SMU1: variants seen among roughly 807,000 people sequenced by gnomAD.
SMU1 encodes WD40 repeat-containing protein SMU1.
A neutral mutation model predicts 62.0 loss-of-function variants in SMU1; 2 were observed. That is an observed-to-expected ratio of 0.03 (90% CI 0.01 to 0.10). SMU1 has a LOEUF of 0.10. SMU1 is among the 10% of genes least tolerant of loss of function. The pLI is 1.00. For synonymous variants in SMU1, 188 were observed against 212.4 expected (o/e 0.89, Z 1.00); for missense variants, 227 against 622.1 (o/e 0.36, Z 6.76).
At chr9:33,056,405 TCAAA>T (rs1288014470) in intron 8 of SMU1, 166 bp from the exon 9 acceptor site, 1 of 343,800 alleles carries the variant, frequency 2.9e-6, no homozygotes, top group Non-Finnish European at 4.1e-6. Flanking sequence ...TATCAAACAA[TCAAA>T]CAAAAGCTTT....
chr9:33,059,627 T>TG (rs1425053761), intron 6 of SMU1, among the ~76,000 whole-genome samples: 1 of 145,848 alleles, frequency 6.9e-6, no homozygotes, highest in Non-Finnish European at 1.5e-5. Flanking sequence ...TCCCCCGAGA[T>TG]GGAGTTTCGC....
At position 33,076,564 on chromosome 9, in the gene SMU1, T is replaced by TC. The variant is rs1839548812; in HGVS notation, c.26+18dup. Reference sequence around the variant, plus strand: ...CCAGGCCCCCGGCAAGGCGCGAACATCCCCACCGCAGGACTCACTCCGAAG... The same window carrying TC: ...CCAGGCCCCCGGCAAGGCGCGAACATCCCCCACCGCAGGACTCACTCCGAAG... On this transcript the variant is annotated intron_variant, in intron 1 of 11. Coordinates refer to ENST00000397149, the MANE Select transcript of SMU1 (RefSeq NM_018225.3). The TC allele has an allele frequency of 6.2e-7, 1 of 1,613,124 alleles. No homozygotes were observed. Among genetic ancestry groups the TC allele is most frequent in the Non-Finnish European group, 8.5e-7 (1 of 1,179,884 alleles).
rs1311495700 is a variant in SMU1, at chr9:33,042,286, C to T, written c.*5007G>A. On this transcript the variant is annotated 3_prime_UTR_variant, in exon 12 of 12. Transcript: ENST00000397149. ...ACTACCACTAACAGCCTCTGTTGAACCCTTCATTACTATGTAAGCAGCCAT... is the reference window on the plus strand; with the variant it reads ...ACTACCACTAACAGCCTCTGTTGAATCCTTCATTACTATGTAAGCAGCCAT... 6.5e-6 allele frequency: 1 copy of T among 152,698 alleles called. No individual in the cohort carries two copies. The highest frequency in any genetic ancestry group is 2.4e-5 in the African/African-American group (1 of 41,426). 9.5% of individuals were successfully genotyped at this position (152,698 alleles called of 1,614,324 possible).
chr9:33,064,838 G>A (rs946456277), intron 4 of SMU1, among the ~76,000 whole-genome samples: 1 of 151,938 alleles, frequency 6.6e-6, no homozygotes, highest in Non-Finnish European at 1.5e-5. Context: ...TGCCTCCCGG[G>A]TTCAAGTGAT....
chr9:33,054,235 C>A (rs570338032), intron 9 of SMU1, among the ~76,000 whole-genome samples: 1 of 150,820 alleles, frequency 6.6e-6, no homozygotes, highest in Non-Finnish European at 1.5e-5. Context: ...CCTCTGCTGG[C>A]GTTAAACTCC....
At chr9:33,059,004 G>A (rs991147222) in intron 6 of SMU1, among the ~76,000 whole-genome samples, 29 of 151,780 alleles carry the variant, frequency 1.9e-4, no homozygotes, top group African/African-American at 5.8e-4. Flanking sequence ...TAGTGACTTC[G>A]GTAAAATAAA....
chr9:33,064,887 C>T (rs568548375), intron 4 of SMU1, among the ~76,000 whole-genome samples: 36 of 152,164 alleles, frequency 2.4e-4, no homozygotes, highest in African/African-American at 7.2e-4. Context: ...GGATTACAGG[C>T]GCACGCCATG....
At chr9:33,056,807 A>G (rs1375220494) in intron 8 of SMU1, 30 bp downstream of exon 8, 1 of 1,607,400 alleles carries the variant, frequency 6.2e-7, no homozygotes, top group Middle Eastern at 2.2e-4. Flanking sequence ...ATCAAACTCA[A>G]GTGAGAGCAG....
intron 10 of SMU1, among the ~76,000 whole-genome samples, chr9:33,052,043 A>G (rs1232149532): frequency 1.3e-5 from 2 of 151,862 alleles, no homozygotes; most frequent in East Asian, 3.9e-4. Flanking sequence ...ACAGTTCTGT[A>G]TCCTGATTGT....
At chr9:33,059,780 T>A (rs892976605) in intron 6 of SMU1, among the ~76,000 whole-genome samples, 2 of 150,740 alleles carry the variant, frequency 1.3e-5, no homozygotes, top group Non-Finnish European at 3.0e-5. Flanking sequence ...TAATTTTTTT[T>A]AGTTTATTTT....
At chr9:33,056,351 G>GT in intron 8 of SMU1, 112 bp from the exon 9 acceptor site, 1 of 1,081,458 alleles carries the variant, frequency 9.2e-7, no homozygotes, top group Non-Finnish European at 1.3e-6. Flanking sequence ...ATAATATTAA[G>GT]TGAAGAGGGC....
chr9:33,060,431 C>T, intron 6 of SMU1, 34 bp downstream of exon 6: 1 of 1,564,618 alleles, frequency 6.4e-7, no homozygotes, highest in South Asian at 1.2e-5. Flanking sequence ...GTAATTTTTC[C>T]ACTAGGAAGG....
rs766211277 is a variant in SMU1, at chr9:33,042,225, T to C, written c.*5068A>G. ...TATATCCTGAAGAGGCAGAAACTGA[T>C]AGGTTTGTCTGTGTAGTTTTTCAGC... On this transcript the variant is annotated 3_prime_UTR_variant, in exon 12 of 12. Transcript: ENST00000397149. 4 of 152,878 alleles carry C rather than the reference T, an allele frequency of 2.6e-5. No homozygotes were observed. Among genetic ancestry groups the C allele is most frequent in the African/African-American group, 9.6e-5 (4 of 41,466 alleles). 9.5% of individuals were successfully genotyped at this position (152,878 alleles called of 1,614,324 possible).
intron 6 of SMU1, 24 bp from the exon 7 acceptor site, chr9:33,057,738 T>A: frequency 6.2e-7 from 1 of 1,612,592 alleles, no homozygotes; most frequent in South Asian, 1.1e-5. Context: ...GGTTAGCAGT[T>A]ATCAAAATAA....
chr9:33,073,824 G>T lies in SMU1; in HGVS notation c.27-18C>A, dbSNP rs554304101. 1 of 1,610,820 alleles carries T rather than the reference G, an allele frequency of 6.2e-7. No individual in the cohort carries two copies. The highest frequency in any genetic ancestry group is 8.5e-7 in the Non-Finnish European group (1 of 1,177,338). ...GGATCACACTGAAAGAAAACAAATC[G>T]TTCAGCTCAGGGATTCTCACTCACC... On this transcript the variant is annotated intron_variant, in intron 1 of 11. Transcript: ENST00000397149.
chr9:33,068,769 T>G, intron 4 of SMU1, 55 bp downstream of exon 4: 2 of 1,594,428 alleles, frequency 1.3e-6, no homozygotes, highest in Non-Finnish European at 1.7e-6. Flanking sequence ...CCTCCCAAAG[T>G]GCAAGGATGA....
chr9:33,063,655 G>C (rs1839387999), intron 4 of SMU1, among the ~76,000 whole-genome samples: 1 of 151,962 alleles, frequency 6.6e-6, no homozygotes, highest in Non-Finnish European at 1.5e-5. Flanking sequence ...GATCTGCGCA[G>C]CATTAGATTC....
intron 5 of SMU1, 70 bp from the exon 6 acceptor site, chr9:33,060,654 C>A: frequency 6.3e-7 from 1 of 1,587,164 alleles, no homozygotes; most frequent in South Asian, 1.1e-5. Flanking sequence ...CTTTTTTAAC[C>A]TTTTGAGAAA....
In SMU1 at chr9:33,044,487, C is replaced by G. The variant is rs1251829502; in HGVS notation, c.*2806G>C. ...TCCGGCCGTCCGCCCTGCGCGTGCG[C>G]GGCCCGACCCCGCCGCGGTCTGGCT... On this transcript the variant is annotated 3_prime_UTR_variant, in exon 12 of 12. Transcript: ENST00000397149. 2 of 152,366 alleles carry G rather than the reference C, an allele frequency of 1.3e-5. No individual in the cohort carries two copies. Among genetic ancestry groups the G allele is most frequent in the African/African-American group, 4.8e-5 (2 of 41,460 alleles). 9.4% of individuals were successfully genotyped at this position (152,366 alleles called of 1,614,324 possible).
Sources: gnomAD v4.1 joint callset for allele counts (sites outside exome capture counted in the v4.1 genomes callset) on GRCh38, gnomAD v4.1.1 for gene constraint, MANE v1.5 for transcripts, NCBI Gene and HGNC (gene_info 2026-07-23, HGNC 2026-07-21) for gene names.